SLCO1B3: variants seen among roughly 807,000 people sequenced by gnomAD.
SLCO1B3 encodes the protein solute carrier organic anion transporter family member 1B3, also known as liver-specific organic anion transporter 2.
A neutral mutation model predicts 71.8 loss-of-function variants in SLCO1B3; 72 were observed. That is an observed-to-expected ratio of 1.00 (90% CI 0.83 to 1.22). SLCO1B3 has a LOEUF of 1.22. Ranked by LOEUF, SLCO1B3 falls within the 50% of genes most tolerant of loss-of-function variation. The pLI, the probability that SLCO1B3 is intolerant of heterozygous loss-of-function variation, is 0.00. For synonymous variants in SLCO1B3, 298 were observed against 278.4 expected (o/e 1.07, Z -0.70); for missense variants, 911 against 819.7 (o/e 1.11, Z -1.36).
At chr12:20,901,792 C>A in intron 15 of SLCO1B3, 2 of 353,394 alleles carry the variant, frequency 5.7e-6, no homozygotes, top group Non-Finnish European at 1.1e-5. Context: ...AAAGCTCTCT[C>A]CCACTGGCTT....
At chr12:20,862,109 A>G (rs1377551441) in intron 6 of SLCO1B3, among the ~76,000 whole-genome samples, 1 of 152,170 alleles carries the variant, frequency 6.6e-6, no homozygotes, top group Non-Finnish European at 1.5e-5. Context: ...CCTTAAAAAT[A>G]ACCTGGATTT....
intron 2 of SLCO1B3, among the ~76,000 whole-genome samples, chr12:20,814,981 C>CTTTTTTTTTTTTT (rs71039997): frequency 2.1e-4 from 19 of 89,294 alleles, no homozygotes; most frequent in South Asian, 9.7e-4. Context: ...CTTTTCTTTT[C>CTTTTTTTTTTTTT]TTTTTTTTTT....
Position 20,880,945 on chromosome 12 carries a change from T to C in SLCO1B3, c.1422T>C (p.Cys474=). The part of the protein sequence containing the change: ...NCDESQWEPV[C]GNNGITYLSP... ...ATGAAAGTCAGTGGGAACCAGTCTGTGGGAACAATGGAATAACTTACCTGT... is the reference window on the plus strand; with the variant it reads ...ATGAAAGTCAGTGGGAACCAGTCTGCGGGAACAATGGAATAACTTACCTGT... Residue 474 remains cysteine (C), a synonymous_variant, in exon 12 of 16, where the codon TGT becomes TGC. Coordinates refer to ENST00000381545, the MANE Select transcript of SLCO1B3 (RefSeq NM_019844.4). 6.2e-7 allele frequency: 1 copy of C among 1,612,492 alleles called. No individual in the cohort carries two copies. The highest frequency in any genetic ancestry group is 8.5e-7 in the Non-Finnish European group (1 of 1,178,690).
chr12:20,915,136 A>G (rs1866466319), intron 15 of SLCO1B3, among the ~76,000 whole-genome samples: 1 of 152,060 alleles, frequency 6.6e-6, no homozygotes, highest in African/African-American at 2.4e-5. Flanking sequence ...TTTTCATTAT[A>G]AACACTTGTG....
At chr12:20,903,994 CT>C (rs1866182182) in intron 15 of SLCO1B3, among the ~76,000 whole-genome samples, 1 of 152,106 alleles carries the variant, frequency 6.6e-6, no homozygotes, top group African/African-American at 2.4e-5. Flanking sequence ...AATCCCAGCA[CT>C]TTGGGAGGCC....
At chr12:20,836,259 T>C (rs187958858) in intron 3 of SLCO1B3, among the ~76,000 whole-genome samples, 19 of 152,308 alleles carry the variant, frequency 1.2e-4, no homozygotes, top group African/African-American at 3.6e-4. Context: ...ATTATAAATA[T>C]CATCTTTTCA....
intron 15 of SLCO1B3, chr12:20,902,226 T>G (rs988834673): frequency 5.9e-6 from 1 of 168,564 alleles, no homozygotes; most frequent in African/African-American, 2.4e-5. Flanking sequence ...TGTTTTATGT[T>G]CTTTGAGAAA....
intron 3 of SLCO1B3, among the ~76,000 whole-genome samples, chr12:20,846,604 C>T (rs563009690): frequency 2.6e-5 from 4 of 152,132 alleles, no homozygotes; most frequent in African/African-American, 9.6e-5. Flanking sequence ...TGAAACAAAT[C>T]CCTGGAAGAA....
chr12:20,904,020 A>G (rs1334626206), intron 15 of SLCO1B3, among the ~76,000 whole-genome samples: 1 of 152,118 alleles, frequency 6.6e-6, no homozygotes, highest in Non-Finnish European at 1.5e-5. Context: ...TGGGTGGATC[A>G]CGAGGTCAGG....
At chr12:20,885,920 T>G (rs78702903) in intron 13 of SLCO1B3, among the ~76,000 whole-genome samples, 1,596 of 152,148 alleles carry the variant, frequency 0.01, 21 homozygotes, top group African/African-American at 0.035. Context: ...GTGCATGACT[T>G]GTGTTTTTGG....
At chr12:20,868,049 C>G (rs1305012440) in intron 8 of SLCO1B3, among the ~76,000 whole-genome samples, 1 of 152,070 alleles carries the variant, frequency 6.6e-6, no homozygotes, top group Non-Finnish European at 1.5e-5. Context: ...AACACATTTC[C>G]TTGTGATTTT....
At chr12:20,913,544 CTT>C (rs889376213) in intron 15 of SLCO1B3, among the ~76,000 whole-genome samples, 3 of 152,044 alleles carry the variant, frequency 2.0e-5, no homozygotes, top group Admixed American at 1.3e-4. Context: ...TATGTAAAGA[CTT>C]TTTTATCCTT....
rs750802420 is a variant in SLCO1B3 at position 20,815,766 on chromosome 12, A to G, written c.28A>G (p.Thr10Ala). MDQHQHLNKTAESASSEKKK... is the reference protein window; with the variant it reads MDQHQHLNKAAESASSEKKK... ...GGACCAACATCAACATTTGAATAAA[A>G]CAGCAGAGTCAGCATCTTCAGAGAA... The change falls in exon 3 of 16, where the codon ACA (threonine) becomes GCA (alanine). Residue 10 changes from threonine (T) to alanine (A), a missense_variant. Coordinates refer to ENST00000381545, the MANE Select transcript of SLCO1B3 (RefSeq NM_019844.4). The G allele has an allele frequency of 1.2e-6, 2 of 1,600,690 alleles. No homozygotes were observed. Among genetic ancestry groups the G allele is most frequent in the Admixed American group, 1.7e-5 (1 of 59,236 alleles).
chr12:20,862,165 C>T (rs2121251931), intron 6 of SLCO1B3, among the ~76,000 whole-genome samples: 1 of 152,154 alleles, frequency 6.6e-6, no homozygotes, highest in African/African-American at 2.4e-5. Flanking sequence ...ATTTTGTGCA[C>T]TAAAAATGCA....
chr12:20,902,838 G>A (rs1866155422), intron 15 of SLCO1B3, among the ~76,000 whole-genome samples: 1 of 151,990 alleles, frequency 6.6e-6, no homozygotes, highest in Admixed American at 6.5e-5. Context: ...GGAGGCTGAG[G>A]CAGGCAGATC....
chr12:20,903,742 A>G (rs546529395), intron 15 of SLCO1B3, among the ~76,000 whole-genome samples: 1 of 152,308 alleles, frequency 6.6e-6, no homozygotes, highest in African/African-American at 2.4e-5. Flanking sequence ...AAATTTGGGC[A>G]GAGACACAAA....
rs4149167 is a variant in SLCO1B3, at chr12:20,881,675, C to CT, written c.1497+665dup. Among the ~76,000 whole-genome samples, 56 of 149,076 alleles carry CT rather than the reference C, an allele frequency of 3.8e-4. 1 individual carries two copies. The highest frequency in any genetic ancestry group is 3.4e-3 in the Middle Eastern group (1 of 290). ...TTCCATTTCTTTCTTAACTCAAAGG[C>CT]TTTTTTTTTTCCATGTGACACATAT... On this transcript the variant is annotated intron_variant, in intron 12 of 15. Transcript: ENST00000381545.
At chr12:20,888,053 T>C (rs537139738) in intron 13 of SLCO1B3, among the ~76,000 whole-genome samples, 6 of 152,110 alleles carry the variant, frequency 3.9e-5, no homozygotes, top group Non-Finnish European at 7.4e-5. Context: ...TGGCTTTATT[T>C]CTGGCTTCTC....
At chr12:20,909,506 T>A (rs1198459758) in intron 15 of SLCO1B3, among the ~76,000 whole-genome samples, 6 of 151,878 alleles carry the variant, frequency 4.0e-5, no homozygotes. Flanking sequence ...ATTTGCCACC[T>A]CTATATTTTT....
Sources: gnomAD v4.1 joint callset for allele counts (sites outside exome capture counted in the v4.1 genomes callset) on GRCh38, gnomAD v4.1.1 for gene constraint, MANE v1.5 for transcripts, NCBI Gene and HGNC (gene_info 2026-07-23, HGNC 2026-07-21) for gene names.